SORCS3: variants seen among roughly 807,000 people sequenced by gnomAD.
The protein encoded by SORCS3 is sortilin related VPS10 domain containing receptor 3.
SORCS3 carries 57 observed loss-of-function variants against 146.3 expected under a neutral mutation model. That is an observed-to-expected ratio of 0.39 (90% CI 0.31 to 0.49). SORCS3 has a LOEUF of 0.49. Ranked by LOEUF, SORCS3 falls within the 20% of genes least tolerant of loss-of-function variation. The pLI is 0.92. For missense variants in SORCS3, 1,341 were observed against 1,575.5 expected (o/e 0.85, Z 2.52); for synonymous variants, 653 against 618.5 (o/e 1.06, Z -0.83).
At chr10:105,233,851 A>G (rs1016762885) in intron 20 of SORCS3, among the ~76,000 whole-genome samples, 6 of 152,146 alleles carry the variant, frequency 3.9e-5, no homozygotes, top group African/African-American at 1.4e-4. Context: ...GCTATTGTGA[A>G]CAGTGCCACA....
intron 18 of SORCS3, among the ~76,000 whole-genome samples, chr10:105,215,490 A>G (rs2056659683): frequency 6.6e-6 from 1 of 152,202 alleles, no homozygotes; most frequent in Non-Finnish European, 1.5e-5. Flanking sequence ...AAGGTTCCTT[A>G]TCCTGGGTTG....
At chr10:104,940,032 T>TA (rs1295120275) in intron 3 of SORCS3, among the ~76,000 whole-genome samples, 2 of 151,052 alleles carry the variant, frequency 1.3e-5, no homozygotes, top group East Asian at 2.0e-4. Flanking sequence ...TTTAAGGAAG[T>TA]AAAAAAACAA....
intron 3 of SORCS3, among the ~76,000 whole-genome samples, chr10:104,932,676 C>T (rs576978212): frequency 2.6e-5 from 4 of 152,140 alleles, no homozygotes; most frequent in Non-Finnish European, 5.9e-5. Context: ...ATGCTTTGAA[C>T]AAGTTTCATT....
intron 23 of SORCS3, among the ~76,000 whole-genome samples, chr10:105,255,342 G>A (rs995409300): frequency 6.6e-6 from 1 of 152,072 alleles, no homozygotes; most frequent in African/African-American, 2.4e-5. Flanking sequence ...GGAGGAGGGA[G>A]GGATAGCATT....
intron 20 of SORCS3, among the ~76,000 whole-genome samples, chr10:105,236,036 T>G (rs1208749652): frequency 6.6e-6 from 1 of 152,158 alleles, no homozygotes; most frequent in Non-Finnish European, 1.5e-5. Context: ...GCAAGATTCA[T>G]GGACCAAGGA....
chr10:104,859,822 T>C (rs1471041817), intron 2 of SORCS3, among the ~76,000 whole-genome samples: 3 of 151,184 alleles, frequency 2.0e-5, no homozygotes, highest in Non-Finnish European at 4.4e-5. Flanking sequence ...GAAAAAATGC[T>C]CATCATCACT....
intron 1 of SORCS3, among the ~76,000 whole-genome samples, chr10:104,773,979 C>G (rs1188825460): frequency 2.0e-5 from 3 of 152,192 alleles, no homozygotes; most frequent in Non-Finnish European, 4.4e-5. Flanking sequence ...TTGCATTTAG[C>G]ACCATTCCAG....
At chr10:105,062,298 T>C (rs571882374) in intron 5 of SORCS3, among the ~76,000 whole-genome samples, 10 of 152,196 alleles carry the variant, frequency 6.6e-5, no homozygotes, top group Non-Finnish European at 1.2e-4. Flanking sequence ...ACTGTGTAGG[T>C]TTAAACTGCT....
chr10:105,175,564 A>G (rs373236378), intron 13 of SORCS3, among the ~76,000 whole-genome samples: 268 of 152,336 alleles, frequency 1.8e-3, no homozygotes, highest in Admixed American at 2.5e-3. Context: ...TGAAACAACT[A>G]TGATTATTTT....
At chr10:105,088,525 A>C (rs1459681628) in intron 5 of SORCS3, among the ~76,000 whole-genome samples, 1 of 123,946 alleles carries the variant, frequency 8.1e-6, no homozygotes, top group African/African-American at 2.6e-5. Flanking sequence ...CCGAAGTAAT[A>C]ATTTTATTTT....
chr10:104,743,117 G>GA (rs2016868758), intron 1 of SORCS3, among the ~76,000 whole-genome samples: 1 of 152,146 alleles, frequency 6.6e-6, no homozygotes, highest in Admixed American at 6.5e-5. Context: ...TCAAAGAGAT[G>GA]AAAATGCACT....
chr10:104,654,164 A>T (rs1460488278), intron 1 of SORCS3, among the ~76,000 whole-genome samples: 1 of 152,168 alleles, frequency 6.6e-6, no homozygotes, highest in African/African-American at 2.4e-5. Context: ...ATAATACTCC[A>T]TTGTGTATAT....
At chr10:105,152,727 C>G (rs1437643597) in intron 9 of SORCS3, among the ~76,000 whole-genome samples, 1 of 152,124 alleles carries the variant, frequency 6.6e-6, no homozygotes, top group African/African-American at 2.4e-5. Context: ...CCATATGTGG[C>G]CAGTGGCTAC....
chr10:104,919,908 A>G (rs2019070304), intron 3 of SORCS3, among the ~76,000 whole-genome samples: 1 of 152,208 alleles, frequency 6.6e-6, no homozygotes, highest in South Asian at 2.1e-4. Flanking sequence ...TTCTCCAGCC[A>G]CTTAGGCAAA....
At chr10:105,001,205 A>G (rs74155085) in intron 4 of SORCS3, among the ~76,000 whole-genome samples, 6,329 of 152,282 alleles carry the variant, frequency 0.042, 189 homozygotes, top group East Asian at 0.16. Context: ...TGGAGGTCAC[A>G]TAGCCAGTAA....
chr10:104,760,371 C>A (rs2017105915), intron 1 of SORCS3, among the ~76,000 whole-genome samples: 1 of 152,142 alleles, frequency 6.6e-6, no homozygotes, highest in Non-Finnish European at 1.5e-5. Context: ...TTAAACAATA[C>A]CTCATTTATC....
chr10:104,774,358 C>T (rs1388136876), intron 1 of SORCS3, among the ~76,000 whole-genome samples: 1 of 152,178 alleles, frequency 6.6e-6, no homozygotes, highest in Non-Finnish European at 1.5e-5. Context: ...ATCCCCATGC[C>T]TCAGAGGTAT....
intron 20 of SORCS3, among the ~76,000 whole-genome samples, chr10:105,236,678 TA>T (rs1040547164): frequency 2.0e-5 from 3 of 152,160 alleles, no homozygotes; most frequent in Admixed American, 2.0e-4. Context: ...GTGCTGTTTC[TA>T]AGACCTGAAA....
At chr10:104,710,676 C>T (rs187303920) in intron 1 of SORCS3, among the ~76,000 whole-genome samples, 1 of 152,016 alleles carries the variant, frequency 6.6e-6, no homozygotes, top group African/African-American at 2.4e-5. Context: ...CCCCCACCCC[C>T]ACCTCATCCA....
Sources: allele counts gnomAD v4.1 joint callset (sites outside exome capture counted in the v4.1 genomes callset), GRCh38; gene constraint gnomAD v4.1.1; transcripts MANE v1.5; gene names NCBI Gene and HGNC (gene_info 2026-07-23, HGNC 2026-07-21).